Variants in EEFSEC observed in about 807,000 individuals in gnomAD.
The protein encoded by EEFSEC is selenocysteine-specific elongation factor.
EEFSEC carries 43 observed loss-of-function variants against 42.1 expected under a neutral mutation model. The ratio of observed to expected loss-of-function variants is 1.02; its 90% confidence interval spans 0.80 to 1.32. The LOEUF (loss-of-function observed/expected upper bound fraction) is 1.32. Among genes scored for constraint, EEFSEC ranks in the 40% most tolerant of loss-of-function variants. EEFSEC has a pLI of 0.00. For synonymous variants in EEFSEC, 354 were observed against 339.1 expected (o/e 1.04, Z -0.48); for missense variants, 745 against 803.6 (o/e 0.93, Z 0.88).
At chr3:128,283,036 G>T (rs1171768113) in intron 4 of EEFSEC, among the ~76,000 whole-genome samples, 1 of 152,236 alleles carries the variant, frequency 6.6e-6, no homozygotes, top group Non-Finnish European at 1.5e-5. Context: ...GCCTGCAGTG[G>T]ATTTCTTCTG....
intron 1 of EEFSEC, among the ~76,000 whole-genome samples, chr3:128,172,447 G>A (rs2065308513): frequency 6.6e-6 from 1 of 152,236 alleles, no homozygotes; most frequent in South Asian, 2.1e-4. Context: ...GCACATAGTA[G>A]GGAGCAGTTA....
At chr3:128,367,074 C>T (rs1284443764) in intron 6 of EEFSEC, among the ~76,000 whole-genome samples, 1 of 152,290 alleles carries the variant, frequency 6.6e-6, no homozygotes, top group East Asian at 1.9e-4. Context: ...TCCCTCTGTG[C>T]GTGTCTGTGT....
chr3:128,295,451 CTTTTTTTT>C (rs201911929), intron 4 of EEFSEC, among the ~76,000 whole-genome samples: 11 of 64,004 alleles, frequency 1.7e-4, no homozygotes, highest in East Asian at 5.9e-4. Context: ...CTTCCCCCTA[CTTTTTTTT>C]TTTTTTTTTT....
the EEFSEC span, among the ~76,000 whole-genome samples, chr3:128,421,730 C>A: frequency 1.3e-5 from 2 of 152,180 alleles, no homozygotes; most frequent in Admixed American, 1.3e-4. Context: ...CCTATCTCAC[C>A]ATCGCCACAG....
At chr3:128,384,135 A>G (rs1418378824) in intron 6 of EEFSEC, among the ~76,000 whole-genome samples, 1 of 152,194 alleles carries the variant, frequency 6.6e-6, no homozygotes, top group African/African-American at 2.4e-5. Context: ...GCCTTCTTAG[A>G]GGAGGCAGTA....
Position 128,316,509 on chromosome 3 carries a change from C to A in EEFSEC, c.787-24724C>A, listed in dbSNP as rs114292085. 2.4e-3 allele frequency among the ~76,000 whole-genome samples: 370 copies of A among 152,354 alleles called. 2 individuals carry two copies. Among genetic ancestry groups the A allele is most frequent in the African/African-American group, 8.5e-3 (355 of 41,576 alleles). ...TCTTGCCCCATCCCCTTATGATCGACAGGCACGTGGTTTCCAGTGTTTTTG... is the reference window on the plus strand; with the variant it reads ...TCTTGCCCCATCCCCTTATGATCGAAAGGCACGTGGTTTCCAGTGTTTTTG... On this transcript the variant is annotated intron_variant, in intron 4 of 6. Transcript: ENST00000254730.
chr3:128,339,211 C>T (rs779076888), intron 4 of EEFSEC, among the ~76,000 whole-genome samples: 1 of 152,182 alleles, frequency 6.6e-6, no homozygotes, highest in Non-Finnish European at 1.5e-5. Context: ...ACTTTCTCTG[C>T]CCCCTGACCT....
chr3:128,279,101 G>GGGAAGGCCGGCCGCCAT (rs2066497799), intron 4 of EEFSEC, among the ~76,000 whole-genome samples: 1 of 152,246 alleles, frequency 6.6e-6, no homozygotes, highest in African/African-American at 2.4e-5. Context: ...CCGGCCGCCA[G>GGGAAGGCCGGCCGCCAT]AGGGAACGCT....
At chr3:128,379,029 A>G (rs1276220485) in intron 6 of EEFSEC, among the ~76,000 whole-genome samples, 1 of 152,234 alleles carries the variant, frequency 6.6e-6, no homozygotes, top group East Asian at 1.9e-4. Flanking sequence ...AAATCCCTGT[A>G]AAAATGAAAA....
chr3:128,280,026 G>A (rs111260789), intron 4 of EEFSEC, among the ~76,000 whole-genome samples: 33 of 152,352 alleles, frequency 2.2e-4, no homozygotes, highest in African/African-American at 6.7e-4. Flanking sequence ...CATCAGATCC[G>A]CGAGGACAGA....
chr3:128,384,208 G>A lies in EEFSEC; in HGVS notation c.1601-23861G>A, dbSNP rs563461038. 1.2e-4 allele frequency among the ~76,000 whole-genome samples: 18 copies of A among 152,320 alleles called. No individual in the cohort carries two copies. The South Asian group carries it at 1.5e-3, about 12-fold the overall frequency. ...GGGGAGAGGTGTTCCAGGCAGAAGC[G>A]TCCGTGGCTCTGCCCAGGAGAGAAG... On this transcript the variant is annotated intron_variant, in intron 6 of 6. Transcript: ENST00000254730.
chr3:128,183,347 C>A (rs887034114), intron 1 of EEFSEC, among the ~76,000 whole-genome samples: 1 of 152,036 alleles, frequency 6.6e-6, no homozygotes, highest in Non-Finnish European at 1.5e-5. Flanking sequence ...AACATTTGAC[C>A]CCAACCTGTT....
At chr3:128,406,524 C>A (rs965225321) in intron 6 of EEFSEC, among the ~76,000 whole-genome samples, 41 of 152,296 alleles carry the variant, frequency 2.7e-4, no homozygotes, top group Admixed American at 2.5e-3. Context: ...TAAATGTTCT[C>A]ATCACCAAAA....
intron 1 of EEFSEC, among the ~76,000 whole-genome samples, chr3:128,237,677 T>C (rs2066027132): frequency 6.6e-6 from 1 of 152,240 alleles, no homozygotes; most frequent in South Asian, 2.1e-4. Context: ...TCTTTCCTTT[T>C]GGCGGGGGTC....
intron 4 of EEFSEC, among the ~76,000 whole-genome samples, chr3:128,319,421 C>T (rs190145082): frequency 6.6e-6 from 1 of 152,276 alleles, no homozygotes; most frequent in African/African-American, 2.4e-5. Context: ...GCTCCATTAC[C>T]GTTCTGAGAT....
intron 4 of EEFSEC, among the ~76,000 whole-genome samples, chr3:128,311,248 G>A (rs1376930498): frequency 6.6e-6 from 1 of 152,238 alleles, no homozygotes; most frequent in East Asian, 1.9e-4. Flanking sequence ...GTGGACCCAT[G>A]TGAAGTGTAA....
downstream of EEFSEC, among the ~76,000 whole-genome samples, chr3:128,410,246 A>C (rs1160948898): frequency 1.3e-5 from 2 of 152,136 alleles, no homozygotes; most frequent in Non-Finnish European, 2.9e-5. Context: ...CTGAGCTGGG[A>C]GCCAGGCCAC....
chr3:128,281,906 C>T (rs371726536), intron 4 of EEFSEC, among the ~76,000 whole-genome samples: 3 of 152,260 alleles, frequency 2.0e-5, no homozygotes, highest in African/African-American at 7.2e-5. Flanking sequence ...TAGTGGTGGT[C>T]GTGGGATCTG....
intron 1 of EEFSEC, among the ~76,000 whole-genome samples, chr3:128,164,173 G>A (rs1031128151): frequency 6.6e-6 from 1 of 151,564 alleles, no homozygotes; most frequent in African/African-American, 2.4e-5. Context: ...GCTGCATTTG[G>A]TGTTTTTCTC....
Sources: allele counts gnomAD v4.1 joint callset (sites outside exome capture counted in the v4.1 genomes callset), GRCh38; gene constraint gnomAD v4.1.1; transcripts MANE v1.5; gene names NCBI Gene and HGNC (gene_info 2026-07-23, HGNC 2026-07-21).